PCSK5: variants seen among roughly 807,000 people sequenced by gnomAD.
PCSK5 encodes the protein proprotein convertase subtilisin/kexin type 5.
In PCSK5, 129 loss-of-function variants were observed where a neutral mutation model predicts 233.2. The ratio of observed to expected loss-of-function variants is 0.55; its 90% CI spans 0.48 to 0.64. PCSK5 has a LOEUF of 0.64. Among genes scored for constraint, PCSK5 ranks in the 30% least tolerant of loss-of-function variants. PCSK5 has a pLI of 0.00. For synonymous variants in PCSK5, 825 were observed against 879.2 expected, an observed-to-expected ratio of 0.94 and a Z score of 1.09; for missense variants, 2,076 against 2,430.1, an observed-to-expected ratio of 0.85 and a Z score of 3.06.
intron 20 of PCSK5, among the ~76,000 whole-genome samples, chr9:76,211,196 A>G (rs1825316772): frequency 6.6e-6 from 1 of 152,212 alleles, no homozygotes; most frequent in Non-Finnish European, 1.5e-5. Context: ...AAATTCCAGG[A>G]TACATAACTG....
At chr9:76,022,288 C>T (rs1291277438) in intron 3 of PCSK5, among the ~76,000 whole-genome samples, 2 of 152,188 alleles carry the variant, frequency 1.3e-5, no homozygotes, top group Non-Finnish European at 2.9e-5. Flanking sequence ...CATATAAATT[C>T]AAGCCAGGTA....
intron 25 of PCSK5, among the ~76,000 whole-genome samples, chr9:76,293,271 GT>G (rs1828333979): frequency 6.6e-6 from 1 of 152,202 alleles, no homozygotes; most frequent in South Asian, 2.1e-4. Context: ...TAAAAGGAGT[GT>G]GGAGGATGGG....
intron 8 of PCSK5, among the ~76,000 whole-genome samples, chr9:76,097,579 T>C (rs1322459034): frequency 1.3e-5 from 2 of 152,240 alleles, no homozygotes; most frequent in Non-Finnish European, 2.9e-5. Context: ...AGAGTTCAGG[T>C]GGCAGGCTCA....
chr9:76,256,924 T>C (rs1003094038), intron 24 of PCSK5, among the ~76,000 whole-genome samples: 3 of 152,250 alleles, frequency 2.0e-5, no homozygotes, highest in African/African-American at 7.2e-5. Context: ...ATTGCCTTCC[T>C]TGTACCTCCT....
At chr9:76,102,030 A>C (rs1831779859) in intron 8 of PCSK5, among the ~76,000 whole-genome samples, 1 of 152,204 alleles carries the variant, frequency 6.6e-6, no homozygotes, top group African/African-American at 2.4e-5. Flanking sequence ...TTCTCTTGAG[A>C]AAGTTAAAAA....
chr9:75,892,558 G>T (rs1333381467), intron 1 of PCSK5, among the ~76,000 whole-genome samples: 1 of 152,224 alleles, frequency 6.6e-6, no homozygotes, highest in Non-Finnish European at 1.5e-5. Flanking sequence ...CACCCTGCGT[G>T]CTCTGCCAGG....
intron 11 of PCSK5, among the ~76,000 whole-genome samples, chr9:76,157,445 A>T (rs546562751): frequency 6.7e-6 from 1 of 149,372 alleles, no homozygotes; most frequent in African/African-American, 2.6e-5. Flanking sequence ...TTTCTATTTG[A>T]TGGTGCAAGT....
At chr9:76,107,418 C>G in intron 9 of PCSK5, 67 bp downstream of exon 9, 1 of 945,954 alleles carries the variant, frequency 1.1e-6, no homozygotes, top group African/African-American at 1.6e-5. Flanking sequence ...CGTACCCCTT[C>G]CCTTGTATAG....
At chr9:76,040,163 A>G (rs1563988247) in intron 5 of PCSK5, among the ~76,000 whole-genome samples, 1 of 152,176 alleles carries the variant, frequency 6.6e-6, no homozygotes, top group African/African-American at 2.4e-5. Flanking sequence ...GTCTTGGTTG[A>G]GGACAAAGAC....
intron 25 of PCSK5, 35 bp from the exon 26 acceptor site, chr9:76,295,240 T>C (rs1473145687): frequency 6.3e-7 from 1 of 1,582,488 alleles, no homozygotes; most frequent in Non-Finnish European, 8.6e-7. Context: ...TACATCAACA[T>C]AAGTCATGAA....
intron 24 of PCSK5, among the ~76,000 whole-genome samples, chr9:76,276,376 A>G (rs1241482125): frequency 6.6e-6 from 1 of 152,206 alleles, no homozygotes; most frequent in Non-Finnish European, 1.5e-5. Context: ...ATCAGATCAC[A>G]TAGGTCATTT....
chr9:76,089,034 T>C (rs1440096175), intron 7 of PCSK5, among the ~76,000 whole-genome samples: 1 of 151,934 alleles, frequency 6.6e-6, no homozygotes, highest in Non-Finnish European at 1.5e-5. Context: ...TCGGAAATGC[T>C]AGTCAGAATG....
chr9:76,345,442 G>A (rs1004499734), intron 35 of PCSK5, among the ~76,000 whole-genome samples: 1 of 150,928 alleles, frequency 6.6e-6, no homozygotes, highest in African/African-American at 2.4e-5. Context: ...TTTTTGAGAC[G>A]GAGTCTCACT....
chr9:76,302,501 AG>A (rs2131425843), intron 28 of PCSK5, among the ~76,000 whole-genome samples: 1 of 152,306 alleles, frequency 6.6e-6, no homozygotes, highest in South Asian at 2.1e-4. Context: ...TATCAAGAAA[AG>A]CCTCTGTCCT....
chr9:76,106,545 A>G (rs755940569), intron 8 of PCSK5, among the ~76,000 whole-genome samples: 1 of 152,212 alleles, frequency 6.6e-6, no homozygotes, highest in Non-Finnish European at 1.5e-5. Context: ...TCACATTTTG[A>G]TTAAAAAATA....
intron 2 of PCSK5, among the ~76,000 whole-genome samples, chr9:75,948,270 A>T (rs1824671724): frequency 6.6e-6 from 1 of 151,810 alleles, no homozygotes; most frequent in Non-Finnish European, 1.5e-5. Context: ...TCAACTCGTC[A>T]TTTACATTAG....
chr9:76,189,775 T>C, intron 20 of PCSK5, 29 bp downstream of exon 20: 1 of 1,152,670 alleles, frequency 8.7e-7, no homozygotes, highest in East Asian at 2.3e-5. Context: ...ATCGATCTTA[T>C]GAAGCAAAGT....
intron 37 of PCSK5, among the ~76,000 whole-genome samples, chr9:76,355,802 C>T (rs1330854775): frequency 3.9e-5 from 6 of 151,958 alleles, no homozygotes; most frequent in Admixed American, 1.3e-4. Flanking sequence ...CTCCTGGGTT[C>T]AAGCTATTCT....
intron 12 of PCSK5, among the ~76,000 whole-genome samples, chr9:76,161,154 T>C (rs977421631): frequency 1.3e-5 from 2 of 152,220 alleles, no homozygotes; most frequent in African/African-American, 4.8e-5. Context: ...CTTCCATTAG[T>C]GTATGGGAAA....
Sources: allele counts gnomAD v4.1 joint callset (sites outside exome capture counted in the v4.1 genomes callset), GRCh38; gene constraint gnomAD v4.1.1; transcripts MANE v1.5; gene names NCBI Gene and HGNC (gene_info 2026-07-23, HGNC 2026-07-21).